The following MICU1 variants were observed in gnomAD, a reference collection of about 807,000 sequenced individuals.
MICU1 encodes mitochondrial calcium uptake 1.
In MICU1, 45 loss-of-function variants were observed where a neutral mutation model predicts 56.8. The ratio of observed to expected loss-of-function variants is 0.79; its 90% CI spans 0.62 to 1.02. The LOEUF (loss-of-function observed/expected upper bound fraction) is 1.02. MICU1 is among the 50% of genes least tolerant of loss of function. The pLI is 0.00. For synonymous variants in MICU1, 186 were observed against 195.1 expected (o/e 0.95, Z 0.39); for missense variants, 504 against 587.1 (o/e 0.86, Z 1.46).
chr10:72,448,463 C>T (rs923716526), intron 8 of MICU1, among the ~76,000 whole-genome samples: 10 of 150,996 alleles, frequency 6.6e-5, no homozygotes, highest in African/African-American at 1.5e-4. Context: ...TGTGAGCCAC[C>T]GCACCTGGCC....
At chr10:72,431,276 G>A (rs144362467) in intron 8 of MICU1, among the ~76,000 whole-genome samples, 7 of 152,088 alleles carry the variant, frequency 4.6e-5, no homozygotes, top group Non-Finnish European at 7.4e-5. Flanking sequence ...GATTGCAGGC[G>A]AGCACTACCA....
intron 5 of MICU1, among the ~76,000 whole-genome samples, chr10:72,533,462 C>CTTTATGATGACTATTGAGTTAACA (rs1839545306): frequency 6.6e-6 from 1 of 152,128 alleles, no homozygotes; most frequent in Non-Finnish European, 1.5e-5. Flanking sequence ...GCTTATTAAT[C>CTTTATGATGACTATTGAGTTAACA]TTTATGATGA....
intron 11 of MICU1, among the ~76,000 whole-genome samples, chr10:72,368,673 C>T (rs914722733): frequency 3.3e-5 from 5 of 152,118 alleles, no homozygotes; most frequent in Admixed American, 2.0e-4. Context: ...GTAGGAGAGA[C>T]AAATTATTAT....
intron 10 of MICU1, among the ~76,000 whole-genome samples, chr10:72,400,960 T>C (rs956455871): frequency 6.6e-6 from 1 of 151,596 alleles, no homozygotes. Flanking sequence ...TCAGTGGAAA[T>C]GCTATTATTA....
At position 72,476,352 on chromosome 10, in the gene MICU1, C is replaced by T. The variant is rs192754025; in HGVS notation, c.735+822G>A. 2.8e-3 allele frequency among the ~76,000 whole-genome samples: 430 copies of T among 152,160 alleles called. 2 individuals are homozygous for T. Among genetic ancestry groups the T allele is most frequent in the Non-Finnish European group, 2.9e-3 (197 of 67,996 alleles). On this transcript the variant is annotated intron_variant, in intron 7 of 11. Coordinates refer to ENST00000361114, the MANE Select transcript of MICU1 (RefSeq NM_001195518.2). ...CAGGTGATCCTCCCACCACAGCCTC[C>T]GGAGTAGCTAGGACTACAGGCACAT...
At chr10:72,616,553 C>T (rs1278805311) in intron 1 of MICU1, among the ~76,000 whole-genome samples, 2 of 148,406 alleles carry the variant, frequency 1.3e-5, no homozygotes, top group Non-Finnish European at 3.0e-5. Context: ...CACCATTGCA[C>T]TCCAGCCTGG....
intron 1 of MICU1, among the ~76,000 whole-genome samples, chr10:72,596,647 G>A (rs999797050): frequency 2.0e-5 from 3 of 151,966 alleles, no homozygotes; most frequent in Admixed American, 2.0e-4. Flanking sequence ...CGAGGTGGGT[G>A]GACCAACTTG....
intron 1 of MICU1, among the ~76,000 whole-genome samples, chr10:72,605,549 T>G (rs1841663608): frequency 6.6e-6 from 1 of 152,222 alleles, no homozygotes; most frequent in Admixed American, 6.5e-5. Flanking sequence ...CATGGCCTCC[T>G]GGGTTGAATC....
At chr10:72,579,576 A>G (rs1305469942) in intron 1 of MICU1, among the ~76,000 whole-genome samples, 1 of 151,904 alleles carries the variant, frequency 6.6e-6, no homozygotes, top group Non-Finnish European at 1.5e-5. Context: ...TACCTGACAC[A>G]TTTTTTTCAT....
At chr10:72,378,281 C>T (rs1314211796) in intron 10 of MICU1, among the ~76,000 whole-genome samples, 6 of 152,014 alleles carry the variant, frequency 3.9e-5, no homozygotes, top group Non-Finnish European at 1.5e-5. Flanking sequence ...CAAAAAAACC[C>T]TGAAAATCCA....
At position 72,375,933 on chromosome 10, in the gene MICU1, T is replaced by C. The variant is rs1250437859; in HGVS notation, c.1181-61A>G. The C allele has an allele frequency of 5.9e-5, 86 of 1,469,940 alleles. No homozygotes were observed. The East Asian group carries it at 1.7e-3, about 30-fold the overall frequency. 91.1% of individuals were successfully genotyped at this position (1,469,940 alleles called of 1,614,324 possible). ...GGATTTTCATTTTGCTTTCTCTGAT[T>C]CAGGGGATAAAACGACTCAGTCATA... On this transcript the variant is annotated intron_variant, in intron 10 of 11. Transcript: ENST00000361114.
At chr10:72,440,683 G>T (rs2132180740) in intron 8 of MICU1, among the ~76,000 whole-genome samples, 1 of 152,214 alleles carries the variant, frequency 6.6e-6, no homozygotes, top group Admixed American at 6.5e-5. Context: ...AATCTACAAA[G>T]AACTTAAACA....
chr10:72,399,291 A>C (rs936807207), intron 10 of MICU1, among the ~76,000 whole-genome samples: 4 of 151,822 alleles, frequency 2.6e-5, no homozygotes, highest in Non-Finnish European at 5.9e-5. Context: ...GAAGGGGAAC[A>C]TCACACACTG....
intron 6 of MICU1, among the ~76,000 whole-genome samples, chr10:72,477,844 C>A (rs10740405): frequency 1.3e-5 from 2 of 152,066 alleles, no homozygotes; most frequent in Non-Finnish European, 2.9e-5. Flanking sequence ...CAGAAAAGTA[C>A]ACTGTAAGGT....
chr10:72,625,381 A>C (rs1842202220), intron 1 of MICU1, among the ~76,000 whole-genome samples: 1 of 152,228 alleles, frequency 6.6e-6, no homozygotes, highest in African/African-American at 2.4e-5. Context: ...CTGTTCTCCC[A>C]ACATTCACAT....
At chr10:72,374,784 C>A (rs150201707) in intron 11 of MICU1, among the ~76,000 whole-genome samples, 3 of 147,284 alleles carry the variant, frequency 2.0e-5, no homozygotes, top group East Asian at 2.0e-4. Flanking sequence ...TAGTTCAAAT[C>A]CTGGTTTTGC....
chr10:72,592,318 T>C (rs1841250677), intron 1 of MICU1, among the ~76,000 whole-genome samples: 1 of 151,796 alleles, frequency 6.6e-6, no homozygotes, highest in African/African-American at 2.4e-5. Context: ...TGAGACCCTG[T>C]TTCAAGGAAA....
In MICU1 at chr10:72,375,856, C is replaced by G. The variant is rs1326223621; in HGVS notation, c.1197G>C (p.Val399=). ...ASLDKVTMQQ[V]ARTVAKVELS... Reference sequence around the variant, plus strand: ...GCTCCACTTTAGCCACTGTCCTGGCCACCTGCTGCATGGTCACTGAAAAAA... The same window carrying G: ...GCTCCACTTTAGCCACTGTCCTGGCGACCTGCTGCATGGTCACTGAAAAAA... Residue 399 remains valine (V), a synonymous_variant, in exon 11 of 12, where the codon GTG becomes GTC. Coordinates refer to ENST00000361114, the MANE Select transcript of MICU1 (RefSeq NM_001195518.2). The G allele has an allele frequency of 1.2e-6, 2 of 1,613,254 alleles. No individual in the cohort carries two copies. The highest frequency in any genetic ancestry group is 1.1e-5 in the South Asian group (1 of 90,788).
intron 8 of MICU1, among the ~76,000 whole-genome samples, chr10:72,431,201 G>A (rs780297037): frequency 6.6e-6 from 1 of 151,690 alleles, no homozygotes; most frequent in African/African-American, 2.4e-5. Flanking sequence ...TGTGATCTTG[G>A]CTCGCTGCAA....
Sources: allele counts gnomAD v4.1 joint callset (sites outside exome capture counted in the v4.1 genomes callset), GRCh38; gene constraint gnomAD v4.1.1; transcripts MANE v1.5; gene names NCBI Gene and HGNC (gene_info 2026-07-23, HGNC 2026-07-21).